Variants in PDPR observed in about 807,000 individuals in gnomAD.
PDPR encodes the protein pyruvate dehydrogenase phosphatase regulatory subunit, mitochondrial.
A neutral mutation model predicts 102.2 loss-of-function variants in PDPR; 50 were observed. The ratio of observed to expected loss-of-function variants is 0.49; its 90% CI spans 0.39 to 0.62. The LOEUF is 0.62. Ranked by LOEUF, PDPR falls within the 20% of genes least tolerant of loss-of-function variation. The pLI is 0.00. For missense variants in PDPR, 625 were observed against 1,098.2 expected, an observed-to-expected ratio of 0.57 and a Z score of 6.09; for synonymous variants, 259 against 406.0, an observed-to-expected ratio of 0.64 and a Z score of 4.35.
upstream of PDPR, chr16:70,113,959 C>T (rs1962370841): frequency 6.6e-6 from 1 of 151,540 alleles, no homozygotes; most frequent in South Asian, 2.1e-4. Flanking sequence ...TGGAGTAAGC[C>T]CTGGCACGGG....
chr16:70,153,668 G>A, intron 18 of PDPR, 95 bp downstream of exon 18: 2 of 1,325,750 alleles, frequency 1.5e-6, no homozygotes, highest in South Asian at 1.6e-5. Context: ...AGGAAAAGGG[G>A]GAAAAGATTG....
intron 2 of PDPR, among the ~76,000 whole-genome samples, chr16:70,115,404 G>C (rs1341179161): frequency 2.6e-5 from 4 of 152,224 alleles, no homozygotes; most frequent in African/African-American, 4.8e-5. Context: ...TTACAGGCGT[G>C]AGCCACTGCG....
intron 2 of PDPR, among the ~76,000 whole-genome samples, chr16:70,119,725 T>C (rs2549084): frequency 0.37 from 53,262 of 145,448 alleles, 10,234 homozygotes; most frequent in Non-Finnish European, 0.39. Context: ...TACTCTATCA[T>C]GTTAGCTTTA....
chr16:70,117,111 A>C (rs563306494), intron 2 of PDPR, among the ~76,000 whole-genome samples: 1 of 149,844 alleles, frequency 6.7e-6, no homozygotes, highest in Admixed American at 6.7e-5. Flanking sequence ...CTGTTTCCTC[A>C]AGTGTAGAAT....
At chr16:70,145,014 G>T (rs1966106780) in intron 15 of PDPR, among the ~76,000 whole-genome samples, 1 of 152,116 alleles carries the variant, frequency 6.6e-6, no homozygotes, top group African/African-American at 2.4e-5. Flanking sequence ...CAGCACTTTG[G>T]GAGGCTGAGG....
rs190002881 is a variant in PDPR at position 70,137,570 on chromosome 16, C to T, written c.1190+1184C>T. On this transcript the variant is annotated intron_variant, in intron 10 of 18. Coordinates refer to ENST00000288050, the MANE Select transcript of PDPR (RefSeq NM_017990.5). ...CCAGAAATGCAAGAGGAAAAGAGTT[C>T]TAGGATGGATGGTGGTGAAGGTTAC... Among the ~76,000 whole-genome samples, 22 of 152,342 alleles carry T rather than the reference C, an allele frequency of 1.4e-4. 1 individual carries two copies. Among genetic ancestry groups the T allele is most frequent in the African/African-American group, 5.3e-4 (22 of 41,574 alleles).
Position 70,157,056 on chromosome 16 carries a change from C to G in PDPR, c.*177C>G. 2 of 893,276 alleles carry G rather than the reference C, an allele frequency of 2.2e-6. No homozygotes were observed. The highest frequency in any genetic ancestry group is 1.4e-5 in the South Asian group (1 of 69,582). 55.3% of individuals were successfully genotyped at this position (893,276 alleles called of 1,614,324 possible). On this transcript the variant is annotated 3_prime_UTR_variant, in exon 19 of 19. Coordinates refer to ENST00000288050, the MANE Select transcript of PDPR (RefSeq NM_017990.5). Reference sequence around the variant, plus strand: ...TAAACTTTTTTGCTCTGCAGCCTTCCTTGCCCTTCCACCTCCTCCTCCTAA... The same window carrying G: ...TAAACTTTTTTGCTCTGCAGCCTTCGTTGCCCTTCCACCTCCTCCTCCTAA...
rs1441489415 is a variant in PDPR, at chr16:70,161,300, A to T, written c.*4421A>T. On this transcript the variant is annotated 3_prime_UTR_variant, in exon 19 of 19. Coordinates refer to ENST00000288050, the MANE Select transcript of PDPR (RefSeq NM_017990.5). ...TTGTCTCAAAAAAAAAAAAAAAAAA[A>T]TCTAAGATAGAGGTTTGGTCAACAG... is the stretch of plus-strand genomic sequence containing the variant. 1 of 152,314 alleles carries T rather than the reference A, an allele frequency of 6.6e-6. No homozygotes were observed. The highest frequency in any genetic ancestry group is 1.5e-5 in the Non-Finnish European group (1 of 68,512). 9.4% of individuals were successfully genotyped at this position (152,314 alleles called of 1,614,324 possible).
intron 2 of PDPR, among the ~76,000 whole-genome samples, chr16:70,115,858 G>A (rs1270902849): frequency 1.3e-5 from 2 of 152,054 alleles, no homozygotes; most frequent in East Asian, 1.9e-4. Context: ...TGTCTTTGAC[G>A]TCTTCAGTTT....
intron 10 of PDPR, among the ~76,000 whole-genome samples, chr16:70,138,214 T>G (rs1965359023): frequency 1.9e-5 from 1 of 53,624 alleles, no homozygotes; most frequent in Non-Finnish European, 3.8e-5. Flanking sequence ...CTAATTTTTT[T>G]TTTTTTTTTT....
In PDPR at chr16:70,146,182, C is replaced by T; in HGVS notation, c.1916C>T (p.Ser639Phe). Reference protein sequence around the residue: ...PRAVDVLSELSYAPMTPDHFP... With the variant: ...PRAVDVLSELFYAPMTPDHFP... The stretch of plus-strand genomic sequence containing the variant: ...GCTGTGGATGTGCTGTCTGAGTTGT[C>T]CTATGCCCCTATGACTCCAGACCAC... The change falls in exon 16 of 19, where the codon TCC (serine) becomes TTC (phenylalanine). Residue 639 changes from serine to phenylalanine, a missense_variant. Physicochemically the swap from Ser to Phe is radical, Grantham distance 155. This residue lies in a region of PDPR where 36 missense variants were observed against 62.8 expected (regional missense o/e 0.57). Coordinates refer to ENST00000288050, the MANE Select transcript of PDPR (RefSeq NM_017990.5). The T allele has an allele frequency of 3.7e-6, 6 of 1,613,760 alleles. No homozygotes were observed. Among genetic ancestry groups the T allele is most frequent in the Non-Finnish European group, 5.1e-6 (6 of 1,179,830 alleles).
intron 7 of PDPR, among the ~76,000 whole-genome samples, 197 bp from the exon 8 acceptor site, chr16:70,131,105 C>T (rs1964495014): frequency 6.6e-6 from 1 of 152,188 alleles, no homozygotes; most frequent in Admixed American, 6.5e-5. Flanking sequence ...CCTTTGATCT[C>T]AAAGTAATTT....
chr16:70,139,005 C>G lies in PDPR; in HGVS notation c.1297C>G (p.Arg433Gly), dbSNP rs765578219. The G allele has an allele frequency of 6.2e-7, 1 of 1,609,414 alleles. No homozygotes were observed. ...GAGCAGCCGCACCTTTCTGCGCCACCGGGTCATGGAAGTCATGCGTAAGTG... is the reference window on the plus strand; with the variant it reads ...GAGCAGCCGCACCTTTCTGCGCCACGGGGTCATGGAAGTCATGCGTAAGTG... ...LQSSRTFLRHRVMEVMPLMYD... is the reference protein window; with the variant it reads ...LQSSRTFLRHGVMEVMPLMYD... The change falls in exon 11 of 19, where the codon CGG (arginine) becomes GGG (glycine). Residue 433 changes from arginine to glycine, a missense_variant. By Grantham distance (125) the Arg-to-Gly change is moderately radical. Coordinates refer to ENST00000288050, the MANE Select transcript of PDPR (RefSeq NM_017990.5).
intron 11 of PDPR, among the ~76,000 whole-genome samples, chr16:70,139,597 G>A (rs1488866969): frequency 2.2e-4 from 34 of 152,354 alleles, no homozygotes; most frequent in African/African-American, 6.5e-4. Context: ...TCTCACTCCC[G>A]TGTTCTCGCC....
Position 70,157,341 on chromosome 16 carries a change from G to A in PDPR, c.*462G>A, listed in dbSNP as rs1967333520. ...TGCCGTGTGTCGGATGCAGCCCTGA[G>A]GGGCAGCTCGTGCCTGCAGCCCGGC... On this transcript the variant is annotated 3_prime_UTR_variant, in exon 19 of 19. Transcript: ENST00000288050. The A allele has an allele frequency of 7.9e-6, 3 of 381,956 alleles. No individual in the cohort carries two copies. The highest frequency in any genetic ancestry group is 7.2e-5 in the East Asian group (1 of 13,838). The allele number at this position is 381,956 out of a possible 1,614,324, so 23.7% of individuals were successfully genotyped here.
chr16:70,136,259 G>T lies in PDPR; in HGVS notation c.1063G>T (p.Val355Leu), dbSNP rs1965133160. 1 of 1,612,996 alleles carries T rather than the reference G, an allele frequency of 6.2e-7. No individual in the cohort carries two copies. Among genetic ancestry groups the T allele is most frequent in the African/African-American group, 1.3e-5 (1 of 75,048 alleles). ...ELETLEIMKLVNCPETFTPDM... is the reference protein window; with the variant it reads ...ELETLEIMKLLNCPETFTPDM... Reference sequence around the variant, plus strand: ...AGAGACTCTGGAGATCATGAAGTTGGTGAACTGCCCAGAGACCTTCACACC... The same window carrying T: ...AGAGACTCTGGAGATCATGAAGTTGTTGAACTGCCCAGAGACCTTCACACC... The change falls in exon 10 of 19, where the codon GTG becomes TTG. Residue 355 changes from valine to leucine, a missense_variant. Transcript: ENST00000288050.
At chr16:70,128,030 G>A (rs1964149435) in intron 4 of PDPR, among the ~76,000 whole-genome samples, 1 of 152,248 alleles carries the variant, frequency 6.6e-6, no homozygotes, top group Non-Finnish European at 1.5e-5. Context: ...GGTCTGATTG[G>A]ATAAGCTTAG....
downstream of PDPR, among the ~76,000 whole-genome samples, chr16:70,163,417 C>T (rs1423994762): frequency 1.3e-5 from 2 of 152,244 alleles, no homozygotes; most frequent in African/African-American, 4.8e-5. Flanking sequence ...ACCTGGTCTC[C>T]CCACTCGCCT....
At chr16:70,116,138 C>T (rs1962611845) in intron 2 of PDPR, among the ~76,000 whole-genome samples, 2 of 147,576 alleles carry the variant, frequency 1.4e-5, no homozygotes, top group African/African-American at 5.0e-5. Flanking sequence ...CAGGCAGTGG[C>T]GCGAATCTGC....
Sources: gnomAD v4.1 joint callset for allele counts (sites outside exome capture counted in the v4.1 genomes callset) on GRCh38, gnomAD v4.1.1 for gene constraint, gnomAD v4.1.1 regional missense constraint, MANE v1.5 for transcripts, NCBI Gene and HGNC (gene_info 2026-07-23, HGNC 2026-07-21) for gene names.